The following FYN variants were observed in gnomAD, a reference collection of about 807,000 sequenced individuals.
FYN encodes the protein tyrosine-protein kinase Fyn.
FYN carries 10 observed loss-of-function variants against 70.2 expected under a neutral mutation model. That is an observed-to-expected ratio of 0.14 (90% CI 0.09 to 0.24). FYN has a LOEUF of 0.24. Ranked by LOEUF, FYN falls within the 10% of genes least tolerant of loss-of-function variation. The pLI, the probability that FYN is intolerant of heterozygous loss-of-function variation, is 1.00. For missense variants in FYN, 319 were observed against 673.1 expected (o/e 0.47, Z 5.82); for synonymous variants, 236 against 248.6 (o/e 0.95, Z 0.48).
chr6:111,762,839 C>T (rs1803062837), intron 3 of FYN, among the ~76,000 whole-genome samples: 1 of 152,040 alleles, frequency 6.6e-6, no homozygotes, highest in Non-Finnish European at 1.5e-5. Flanking sequence ...TATCTGCCAC[C>T]TGCCACCACA....
intron 1 of FYN, among the ~76,000 whole-genome samples, chr6:111,865,151 T>C (rs2114530263): frequency 6.6e-6 from 1 of 152,294 alleles, no homozygotes; most frequent in Non-Finnish European, 1.5e-5. Flanking sequence ...ATGGTACTTT[T>C]TTCTCCCCCA....
chr6:111,783,101 C>G (rs1771236528), intron 2 of FYN, among the ~76,000 whole-genome samples: 1 of 152,176 alleles, frequency 6.6e-6, no homozygotes, highest in Admixed American at 6.5e-5. Flanking sequence ...CAGCCTTTTT[C>G]CTGAACAGCT....
intron 2 of FYN, among the ~76,000 whole-genome samples, chr6:111,817,448 A>G (rs1772523959): frequency 6.6e-6 from 1 of 152,196 alleles, no homozygotes; most frequent in African/African-American, 2.4e-5. Context: ...GGCCAAAACT[A>G]AACGAATACA....
At chr6:111,713,251 A>C (rs1182310840) in intron 5 of FYN, among the ~76,000 whole-genome samples, 1 of 152,140 alleles carries the variant, frequency 6.6e-6, no homozygotes, top group African/African-American at 2.4e-5. Context: ...TCAGGCCTGA[A>C]GGAGGTCCCT....
At chr6:111,852,070 T>C (rs540066389) in intron 1 of FYN, among the ~76,000 whole-genome samples, 46 of 152,330 alleles carry the variant, frequency 3.0e-4, no homozygotes, top group Admixed American at 2.2e-3. Context: ...AAAAGGTACA[T>C]GCCTCCGTTT....
At chr6:111,749,936 G>GA (rs577486599) in intron 3 of FYN, among the ~76,000 whole-genome samples, 246 of 144,010 alleles carry the variant, frequency 1.7e-3, no homozygotes, top group African/African-American at 3.2e-3. Context: ...ATTTCTCCTG[G>GA]AAAAAAAAAA....
At chr6:111,740,786 T>C (rs941393175) in intron 3 of FYN, among the ~76,000 whole-genome samples, 3 of 152,178 alleles carry the variant, frequency 2.0e-5, no homozygotes, top group Non-Finnish European at 4.4e-5. Context: ...CCTGAAATGC[T>C]CTTCCCCAAA....
chr6:111,719,719 GA>G (rs1800841308), intron 4 of FYN, 85 bp downstream of exon 4: 7 of 1,455,868 alleles, frequency 4.8e-6, no homozygotes. Context: ...TAGTCAAAGG[GA>G]AGTGATGGGA....
chr6:111,744,121 T>A (rs1297597672), intron 3 of FYN, among the ~76,000 whole-genome samples: 1 of 152,236 alleles, frequency 6.6e-6, no homozygotes, highest in East Asian at 1.9e-4. Context: ...CCCAGAGGAA[T>A]GATGCAGCTG....
intron 8 of FYN, chr6:111,702,654 C>CAA (rs2128445371): frequency 2.6e-6 from 1 of 387,672 alleles, no homozygotes; most frequent in South Asian, 1.2e-4. Flanking sequence ...ACTTGGGAAA[C>CAA]AAAAATATTA....
At chr6:111,794,645 A>T (rs1461231461) in intron 2 of FYN, among the ~76,000 whole-genome samples, 1 of 152,216 alleles carries the variant, frequency 6.6e-6, no homozygotes, top group Non-Finnish European at 1.5e-5. Flanking sequence ...TTATTTCATC[A>T]CACATGGAGA....
At chr6:111,766,735 G>A (rs1463801827) in intron 3 of FYN, among the ~76,000 whole-genome samples, 1 of 152,144 alleles carries the variant, frequency 6.6e-6, no homozygotes, top group Non-Finnish European at 1.5e-5. Flanking sequence ...CAAATCTCGT[G>A]AGAACTCACT....
chr6:111,865,650 T>C (rs1488514315), intron 1 of FYN, among the ~76,000 whole-genome samples: 7 of 152,176 alleles, frequency 4.6e-5, no homozygotes, highest in Non-Finnish European at 1.5e-5. Flanking sequence ...CTAAAAAAAT[T>C]ATTATAGTCC....
chr6:111,760,655 T>A (rs6568706), intron 3 of FYN, among the ~76,000 whole-genome samples: 1 of 152,144 alleles, frequency 6.6e-6, no homozygotes, highest in African/African-American at 2.4e-5. Context: ...GGGCCTCCCC[T>A]CAAGCTGGGA....
intron 2 of FYN, among the ~76,000 whole-genome samples, chr6:111,810,783 C>T (rs971046844): frequency 6.6e-6 from 1 of 152,312 alleles, no homozygotes; most frequent in Admixed American, 6.5e-5. Flanking sequence ...GCCTGGGGCC[C>T]TTCCAGGAAG....
intron 3 of FYN, among the ~76,000 whole-genome samples, chr6:111,765,515 T>C (rs1393700109): frequency 1.3e-5 from 2 of 152,108 alleles, no homozygotes; most frequent in Admixed American, 6.5e-5. Flanking sequence ...TATGAGAAAA[T>C]ATGATTCTGT....
intron 2 of FYN, among the ~76,000 whole-genome samples, chr6:111,806,445 G>A (rs1342264845): frequency 4.6e-5 from 7 of 152,104 alleles, no homozygotes; most frequent in Non-Finnish European, 1.5e-5. Context: ...TAGGTTATTC[G>A]GTCCAAGATG....
chr6:111,703,352 G>A (rs180882264), intron 7 of FYN, among the ~76,000 whole-genome samples: 7 of 152,276 alleles, frequency 4.6e-5, no homozygotes, highest in Admixed American at 4.6e-4. Context: ...CAAGGGTAAA[G>A]AAGGACCACG....
chr6:111,678,470 A>C (rs1798645662), intron 12 of FYN, among the ~76,000 whole-genome samples: 1 of 152,134 alleles, frequency 6.6e-6, no homozygotes, highest in African/African-American at 2.4e-5. Context: ...TTCTGTTGAG[A>C]TATGAAATAA....
Sources: gnomAD v4.1 joint callset for allele counts (sites outside exome capture counted in the v4.1 genomes callset) on GRCh38, gnomAD v4.1.1 for gene constraint, MANE v1.5 for transcripts, NCBI Gene and HGNC (gene_info 2026-07-23, HGNC 2026-07-21) for gene names.